The following ABL1 variants were observed in gnomAD, a reference collection of about 807,000 sequenced individuals.
The protein encoded by ABL1 is ABL proto-oncogene 1, non-receptor tyrosine kinase, also known as tyrosine-protein kinase ABL1.
Under a neutral mutation model 94.7 loss-of-function variants are expected in ABL1, and 11 were observed. The ratio of observed to expected loss-of-function variants is 0.12; its 90% CI spans 0.07 to 0.19. ABL1 has a LOEUF of 0.19. Ranked by LOEUF, ABL1 falls within the 10% of genes least tolerant of loss-of-function variation. The pLI is 1.00. For synonymous variants in ABL1, 656 were observed against 622.4 expected (o/e 1.05, Z -0.80); for missense variants, 1,082 against 1,489.4 (o/e 0.73, Z 4.50).
At position 130,802,095 on chromosome 9, in the gene ABL1, C is replaced by CTTTTTTTTTTTT. The variant is rs3085157; in HGVS notation, c.137-51965_137-51954dup. 2.2e-3 allele frequency among the ~76,000 whole-genome samples: 288 copies of CTTTTTTTTTTTT among 132,036 alleles called. 13 individuals carry two copies. The highest frequency in any genetic ancestry group is 8.2e-3 in the African/African-American group (278 of 33,772). 86.6% of individuals were successfully genotyped at this position (132,036 alleles called of 152,430 possible). On this transcript the variant is annotated intron_variant, in intron 1 of 10. Transcript: ENST00000372348. ...AGTCTGTTCATTTTTTTCCTTCAGT[C>CTTTTTTTTTTTT]TTTTTTTTTTTTTTTGAAATGGTCT...
At chr9:130,883,811 T>A (rs1180543536) in intron 10 of ABL1, among the ~76,000 whole-genome samples, 158 bp from the exon 11 acceptor site, 2 of 152,112 alleles carry the variant, frequency 1.3e-5, no homozygotes, top group Admixed American at 6.5e-5. Flanking sequence ...CCTTTGACAA[T>A]TTTTTTGTTT....
intron 1 of ABL1, among the ~76,000 whole-genome samples, chr9:130,853,158 G>A (rs962571506): frequency 7.9e-5 from 11 of 139,410 alleles, no homozygotes; most frequent in African/African-American, 2.4e-4. Flanking sequence ...CCTTCTGTAC[G>A]ATTTGACTTT....
intron 1 of ABL1, among the ~76,000 whole-genome samples, chr9:130,853,633 T>G (rs1308452626): frequency 1.3e-5 from 2 of 152,160 alleles, no homozygotes; most frequent in Non-Finnish European, 2.9e-5. Flanking sequence ...CAAGTTGGTC[T>G]CAAACTCCTG....
At chr9:130,747,242 G>A (rs1190935111) in intron 1 of ABL1, among the ~76,000 whole-genome samples, 1 of 152,134 alleles carries the variant, frequency 6.6e-6, no homozygotes, top group African/African-American at 2.4e-5. Flanking sequence ...GTTGGGCATG[G>A]TGGCATGCAC....
intron 1 of ABL1, among the ~76,000 whole-genome samples, chr9:130,740,041 A>T (rs1418958396): frequency 2.6e-5 from 4 of 152,186 alleles, no homozygotes; most frequent in African/African-American, 9.7e-5. Flanking sequence ...ATTAATAATG[A>T]ATTATGTAAT....
chr9:130,803,592 TAAC>T (rs1452869617), intron 1 of ABL1, among the ~76,000 whole-genome samples: 6 of 152,282 alleles, frequency 3.9e-5, no homozygotes, highest in Non-Finnish European at 8.8e-5. Context: ...TTCAGATAGT[TAAC>T]AAAATATTTT....
At chr9:130,859,332 G>T (rs972134646) in intron 3 of ABL1, among the ~76,000 whole-genome samples, 5 of 152,290 alleles carry the variant, frequency 3.3e-5, no homozygotes, top group African/African-American at 1.2e-4. Flanking sequence ...CTAAGCTTCA[G>T]CAGAGTTGCA....
At chr9:130,719,447 T>G (rs1831488042) in intron 1 of ABL1, among the ~76,000 whole-genome samples, 1 of 152,032 alleles carries the variant, frequency 6.6e-6, no homozygotes, top group Non-Finnish European at 1.5e-5. Flanking sequence ...GAGAGTTGCT[T>G]AGACCCAGGA....
Position 130,860,530 on chromosome 9 carries a change from G to A in ABL1, c.550-2233G>A, listed in dbSNP as rs146675962. On this transcript the variant is annotated intron_variant, in intron 3 of 10. Transcript: ENST00000318560. ...ACTTTGGAGTGAAGGAACCCGATCC[G>A]CCAGTTGGGGAACGCTCCTTTGAGG... Among the ~76,000 whole-genome samples the A allele has an allele frequency of 3.9e-5, 6 of 152,258 alleles. No homozygotes were observed. The East Asian group carries it at 5.8e-4, about 15-fold the overall frequency.
At chr9:130,876,440 T>C (rs1831344883) in intron 7 of ABL1, among the ~76,000 whole-genome samples, 1 of 149,608 alleles carries the variant, frequency 6.7e-6, no homozygotes, top group South Asian at 2.1e-4. Context: ...AGAGTCTTGC[T>C]TTTTCTGGGG....
At chr9:130,881,588 T>C (rs1831454883) in intron 10 of ABL1, among the ~76,000 whole-genome samples, 1 of 152,168 alleles carries the variant, frequency 6.6e-6, no homozygotes, top group Non-Finnish European at 1.5e-5. Context: ...AACCTCCCCA[T>C]GATTCATTGA....
chr9:130,725,006 C>A, intron 1 of ABL1: 1 of 275,272 alleles, frequency 3.6e-6, no homozygotes, highest in Non-Finnish European at 7.5e-6. Flanking sequence ...ACAACGTGTG[C>A]ATCATATTGC....
intron 10 of ABL1, among the ~76,000 whole-genome samples, chr9:130,881,590 A>T (rs1831454986): frequency 6.6e-6 from 1 of 152,138 alleles, no homozygotes; most frequent in Admixed American, 6.5e-5. Flanking sequence ...CCTCCCCATG[A>T]TTCATTGATC....
At chr9:130,781,139 G>A (rs1829749784) in intron 1 of ABL1, among the ~76,000 whole-genome samples, 2 of 152,202 alleles carry the variant, frequency 1.3e-5, no homozygotes, top group African/African-American at 4.8e-5. Flanking sequence ...AAATAGCCAT[G>A]GATTTAAAGA....
rs143547157 is a variant in ABL1, at chr9:130,719,836, T to C, written c.136+5381T>C. On this transcript the variant is annotated intron_variant, in intron 1 of 10. Transcript: ENST00000372348. Reference sequence around the variant, plus strand: ...TGGATCTGGAAGCCAAGAATAGCGTTGGTGTTGTTGTTGATGGTGAATCTG... The same window carrying C: ...TGGATCTGGAAGCCAAGAATAGCGTCGGTGTTGTTGTTGATGGTGAATCTG... 4.0e-3 allele frequency among the ~76,000 whole-genome samples: 605 copies of C among 152,292 alleles called. 2 individuals carry two copies. Among genetic ancestry groups the C allele is most frequent in the African/African-American group, 0.014 (573 of 41,564 alleles).
chr9:130,882,284 T>C (rs1405226895), intron 10 of ABL1, among the ~76,000 whole-genome samples: 1 of 152,222 alleles, frequency 6.6e-6, no homozygotes, highest in Non-Finnish European at 1.5e-5. Context: ...GTCAATTAAC[T>C]GCTCAGTGCT....
At position 130,854,193 on chromosome 9, in the gene ABL1, A is replaced by G. The variant is rs776891302; in HGVS notation, c.209A>G (p.Tyr70Cys). The G allele has an allele frequency of 6.2e-7, 1 of 1,614,132 alleles. No individual in the cohort carries two copies. Among genetic ancestry groups the G allele is most frequent in the South Asian group, 1.1e-5 (1 of 91,072 alleles). Residue 70 changes from tyrosine to cysteine, a missense_variant, in exon 2 of 11, where the codon TAT becomes TGT. Tyr to Cys is a radical substitution (Grantham distance 194). Transcript: ENST00000318560. Reference protein sequence around the residue: ...ENDPNLFVALYDFVASGDNTL... With the variant: ...ENDPNLFVALCDFVASGDNTL... ...GACCCCAACCTTTTCGTTGCACTGT[A>G]TGATTTTGTGGCCAGTGGAGATAAC...
chr9:130,879,028 C>T (rs1174658171), intron 8 of ABL1, among the ~76,000 whole-genome samples: 2 of 152,132 alleles, frequency 1.3e-5, no homozygotes, highest in African/African-American at 2.4e-5. Context: ...CAGGCATGCA[C>T]CACCACGCCC....
chr9:130,754,166 A>C (rs1342881958), intron 1 of ABL1, among the ~76,000 whole-genome samples: 1 of 146,030 alleles, frequency 6.8e-6, no homozygotes, highest in Non-Finnish European at 1.5e-5. Flanking sequence ...AGATTGCACC[A>C]CTGCACTCCA....
Sources: gnomAD v4.1 joint callset for allele counts (sites outside exome capture counted in the v4.1 genomes callset) on GRCh38, gnomAD v4.1.1 for gene constraint, MANE v1.5 for transcripts, NCBI Gene and HGNC (gene_info 2026-07-23, HGNC 2026-07-21) for gene names.